USP34: variants seen among roughly 807,000 people sequenced by gnomAD.
USP34 encodes ubiquitin carboxyl-terminal hydrolase 34.
In USP34, 70 loss-of-function variants were observed where a neutral mutation model predicts 460.3. The ratio of observed to expected loss-of-function variants is 0.15; its 90% CI spans 0.13 to 0.19. The LOEUF is 0.19. USP34 is among the 10% of genes least tolerant of loss of function. The probability of loss-of-function intolerance (pLI) is 1.00; values close to 1 mark genes in which losing one functional copy is unlikely to be tolerated. For missense variants in USP34, 3,985 were observed against 4,236.2 expected, an observed-to-expected ratio of 0.94 and a Z score of 1.65; for synonymous variants, 1,647 against 1,405.3, an observed-to-expected ratio of 1.17 and a Z score of -3.85.
chr2:61,421,292 A>G (rs1694348831), intron 1 of USP34, among the ~76,000 whole-genome samples: 1 of 152,172 alleles, frequency 6.6e-6, no homozygotes, highest in Admixed American at 6.5e-5. Context: ...AACCAGTCTC[A>G]TGGTACTCCT....
chr2:61,272,440 C>A (rs1689245363), intron 41 of USP34, among the ~76,000 whole-genome samples: 1 of 150,844 alleles, frequency 6.6e-6, no homozygotes, highest in Non-Finnish European at 1.5e-5. Context: ...AATTAGGAGT[C>A]ATTCTTTATT....
intron 10 of USP34, among the ~76,000 whole-genome samples, chr2:61,355,427 G>A (rs1277700258): frequency 6.6e-6 from 1 of 152,188 alleles, no homozygotes; most frequent in Admixed American, 6.5e-5. Flanking sequence ...ATACCAAGTT[G>A]CAATTTGTGA....
At chr2:61,328,362 T>C (rs943682519) in intron 20 of USP34, among the ~76,000 whole-genome samples, 1 of 149,578 alleles carries the variant, frequency 6.7e-6, no homozygotes, top group Non-Finnish European at 1.5e-5. Flanking sequence ...AATTACAAAA[T>C]GAAAAAATAA....
chr2:61,200,576 A>G (rs1686946277), intron 75 of USP34: 2 of 152,344 alleles, frequency 1.3e-5, no homozygotes, highest in African/African-American at 4.8e-5. Flanking sequence ...ATAACTGGAA[A>G]TGACTTGCAA....
intron 1 of USP34, 85 bp downstream of exon 1, chr2:61,470,565 A>C: frequency 1.1e-6 from 1 of 941,548 alleles, no homozygotes; most frequent in Admixed American, 2.2e-5. Context: ...CGCCTCCCGC[A>C]GGCCGCGGCA....
Position 61,206,142 on chromosome 2 carries a change from C to A in USP34, c.9047-18G>T. 6.3e-7 allele frequency: 1 copy of A among 1,598,590 alleles called. No homozygotes were observed. Among genetic ancestry groups the A allele is most frequent in the East Asian group, 2.2e-5 (1 of 44,738 alleles). On this transcript the variant is annotated intron_variant, in intron 71 of 79. Coordinates refer to ENST00000398571, the MANE Select transcript of USP34 (RefSeq NM_014709.4). ...TTTCACATCTGCAAATATAAAAGCACATATAAATATGCCATCTGAGATCAA... is the reference window on the plus strand; with the variant it reads ...TTTCACATCTGCAAATATAAAAGCAAATATAAATATGCCATCTGAGATCAA...
intron 10 of USP34, among the ~76,000 whole-genome samples, chr2:61,361,060 T>C (rs779014009): frequency 2.0e-5 from 3 of 152,172 alleles, no homozygotes; most frequent in Non-Finnish European, 4.4e-5. Context: ...TGAGTAAGAA[T>C]AGAGTTGGAA....
chr2:61,340,993 C>G (rs1230902757), intron 16 of USP34, among the ~76,000 whole-genome samples: 1 of 151,908 alleles, frequency 6.6e-6, no homozygotes, highest in East Asian at 1.9e-4. Flanking sequence ...CCTTTACAAT[C>G]AGTCCCCACC....
At chr2:61,464,583 A>T (rs1315578531) in intron 1 of USP34, among the ~76,000 whole-genome samples, 5 of 151,968 alleles carry the variant, frequency 3.3e-5, no homozygotes, top group Non-Finnish European at 7.4e-5. Context: ...AATCTACAAC[A>T]CATAAGTGGT....
chr2:61,373,654 A>G (rs1395903628), intron 8 of USP34, among the ~76,000 whole-genome samples: 2 of 152,236 alleles, frequency 1.3e-5, no homozygotes, highest in Non-Finnish European at 2.9e-5. Flanking sequence ...GACAGAATTA[A>G]AAGGAGAAAC....
chr2:61,440,506 T>C (rs1694932754), intron 1 of USP34, among the ~76,000 whole-genome samples: 1 of 151,714 alleles, frequency 6.6e-6, no homozygotes, highest in Non-Finnish European at 1.5e-5. Flanking sequence ...TTGAAAAAGT[T>C]GCCCTTTTTA....
At position 61,379,021 on chromosome 2, in the gene USP34, C is replaced by T. The variant is rs59399094; in HGVS notation, c.1015-597G>A. Among the ~76,000 whole-genome samples the T allele has an allele frequency of 3.5e-3, 486 of 138,362 alleles. 21 individuals carry two copies. The East Asian group carries it at 0.091, about 26-fold the overall frequency. The allele number at this position is 138,362 out of a possible 152,430, so 90.8% of individuals were successfully genotyped here. A position where few individuals can be genotyped will look rare whatever the true frequency, so the allele number is the denominator to read the frequency against. ...ATAAAGCTGAGTAAGTAAAAAAACA[C>T]AACAATTTAACGCAAGAGAGCAAGT... On this transcript the variant is annotated intron_variant, in intron 7 of 79. Transcript: ENST00000398571.
At chr2:61,377,822 A>G (rs147062195) in intron 8 of USP34, among the ~76,000 whole-genome samples, 421 of 152,360 alleles carry the variant, frequency 2.8e-3, no homozygotes, top group African/African-American at 9.4e-3. Flanking sequence ...TAAATTCTCC[A>G]GTATAAACAG....
At chr2:61,454,867 T>G (rs1558604774) in intron 1 of USP34, among the ~76,000 whole-genome samples, 3 of 107,214 alleles carry the variant, frequency 2.8e-5, no homozygotes, top group Non-Finnish European at 5.5e-5. Context: ...GGGTTTTTTT[T>G]TTCTTTTTTT....
chr2:61,301,438 A>G lies in USP34; in HGVS notation c.3834T>C (p.Pro1278=). The change falls in exon 28 of 80, where the codon CCT becomes CCC. Residue 1278 remains proline, a synonymous_variant. Transcript: ENST00000398571. ...KGEFPGGLMG[P]VRMISSGHEL... ...CGTGTCCAGATGAAATCATCCTGAC[A>G]GGTCCCATGAGGCCTCCTTAAAAAC... 1.2e-6 allele frequency: 2 copies of G among 1,611,682 alleles called. No individual in the cohort carries two copies. The highest frequency in any genetic ancestry group is 1.3e-5 in the African/African-American group (1 of 74,952).
chr2:61,420,934 G>A, intron 1 of USP34, 101 bp from the exon 2 acceptor site: 2 of 712,902 alleles, frequency 2.8e-6, no homozygotes, highest in South Asian at 2.4e-5. Flanking sequence ...AAACATTTCA[G>A]ATAATCATTC....
Position 61,331,353 on chromosome 2 carries a change from C to G in USP34, c.2853G>C (p.Leu951=). 4.3e-6 allele frequency: 7 copies of G among 1,611,222 alleles called. No individual in the cohort carries two copies. The highest frequency in any genetic ancestry group is 5.9e-6 in the Non-Finnish European group (7 of 1,178,718). Residue 951 remains leucine (L), a synonymous_variant, in exon 20 of 80, where the codon CTG becomes CTC. Transcript: ENST00000398571. Reference sequence around the variant, plus strand: ...TATCAAAGAAAAGCTTCATCATGTTCAGTTCTTTTTCTGCCCACCTGGCCC... The same window carrying G: ...TATCAAAGAAAAGCTTCATCATGTTGAGTTCTTTTTCTGCCCACCTGGCCC... ...HWITMWAEKE[L]NMMKLFFDNL...
chr2:61,315,287 G>A (rs1690708483), intron 23 of USP34, among the ~76,000 whole-genome samples: 1 of 151,720 alleles, frequency 6.6e-6, no homozygotes, highest in Non-Finnish European at 1.5e-5. Flanking sequence ...ATGCTTCAAT[G>A]AATCCATCCA....
At chr2:61,323,429 G>T (rs543728443) in intron 21 of USP34, among the ~76,000 whole-genome samples, 1 of 151,620 alleles carries the variant, frequency 6.6e-6, no homozygotes, top group Non-Finnish European at 1.5e-5. Context: ...GCAAGAGAAT[G>T]GCGTGAACCT....
Sources: allele counts gnomAD v4.1 joint callset (sites outside exome capture counted in the v4.1 genomes callset), GRCh38; gene constraint gnomAD v4.1.1; transcripts MANE v1.5; gene names NCBI Gene and HGNC (gene_info 2026-07-23, HGNC 2026-07-21).